NF1: variants seen among roughly 807,000 people sequenced by gnomAD.
NF1 encodes neurofibromin 1, also known as neurofibromin.
NF1 carries 122 observed loss-of-function variants against 325.7 expected under a neutral mutation model. The ratio of observed to expected loss-of-function variants is 0.37; its 90% CI spans 0.32 to 0.44. The LOEUF (loss-of-function observed/expected upper bound fraction) is 0.44, where lower values mean the gene tolerates loss of function less well. Ranked by LOEUF, NF1 falls within the 20% of genes least tolerant of loss-of-function variation. The pLI is 1.00. For missense variants in NF1, 2,140 were observed against 3,415.4 expected (o/e 0.63, Z 9.31); for synonymous variants, 1,091 against 1,186.0 (o/e 0.92, Z 1.65).
At chr17:31,137,436 T>A (rs1202618323) in intron 1 of NF1, 1 of 152,208 alleles carries the variant, frequency 6.6e-6, no homozygotes, top group Admixed American at 6.5e-5. Flanking sequence ...TTGCTTCAGT[T>A]TTTATGTAGC....
rs148430886 is a variant in NF1, at chr17:31,338,290, A to C, written c.6819+151A>C. On this transcript the variant is annotated intron_variant, in intron 45 of 57. Coordinates refer to ENST00000358273, the MANE Select transcript of NF1 (RefSeq NM_001042492.3). The stretch of plus-strand genomic sequence containing the variant: ...CCTTTAAAATGTATTTTGATTATTT[A>C]TTGTAATTCTTTGAAGAAGTCTTCT... The C allele has an allele frequency of 1.5e-3, 1,037 of 675,648 alleles. 12 individuals are homozygous for C. In the African/African-American group the frequency reaches 0.017, roughly 11 times the overall value. The allele number at this position is 675,648 out of a possible 1,614,324, so 41.9% of individuals were successfully genotyped here. A position where few individuals can be genotyped will look rare whatever the true frequency, so the allele number is the denominator to read the frequency against.
At chr17:31,238,997 A>G (rs2067249508) in intron 29 of NF1, among the ~76,000 whole-genome samples, 1 of 152,224 alleles carries the variant, frequency 6.6e-6, no homozygotes, top group African/African-American at 2.4e-5. Flanking sequence ...CTCAGTTCCT[A>G]TGACCCAATA....
intron 36 of NF1, among the ~76,000 whole-genome samples, chr17:31,300,309 G>A (rs1399545948): frequency 2.0e-5 from 3 of 151,098 alleles, no homozygotes; most frequent in Admixed American, 6.6e-5. Context: ...TTAGTTTTTC[G>A]TTGTATCATT....
intron 36 of NF1, among the ~76,000 whole-genome samples, chr17:31,293,266 T>C (rs1262723079): frequency 7.0e-6 from 1 of 143,212 alleles, no homozygotes; most frequent in Non-Finnish European, 1.5e-5. Flanking sequence ...AAGACACAAG[T>C]ATGTGGTAGA....
chr17:31,258,407 T>G lies in NF1; in HGVS notation c.4237T>G (p.Phe1413Val), dbSNP rs1190777334. The G allele has an allele frequency of 6.2e-7, 1 of 1,613,906 alleles. No homozygotes were observed. The highest frequency in any genetic ancestry group is 8.5e-7 in the Non-Finnish European group (1 of 1,179,942). The part of the protein sequence containing the change: ...GAVGSAMFLR[F>V]INPAIVSPYE... ...AGTAGGAAGTGCCATGTTCCTCAGATTTATCAATCCTGCCATTGTCTCACC... is the reference window on the plus strand; with the variant it reads ...AGTAGGAAGTGCCATGTTCCTCAGAGTTATCAATCCTGCCATTGTCTCACC... Residue 1413 changes from phenylalanine (F) to valine (V), a missense_variant, in exon 32 of 58, where the codon TTT becomes GTT. Physicochemically the swap from Phe to Val is conservative, Grantham distance 50. This residue lies in a region of NF1 where 336 missense variants were observed against 399.0 expected (regional missense o/e 0.84). Transcript: ENST00000358273.
rs587781900 is a variant in NF1, at chr17:31,236,000, G to C, written c.3953G>C (p.Ser1318Thr). 6.2e-7 allele frequency: 1 copy of C among 1,613,328 alleles called. No homozygotes were observed. The highest frequency in any genetic ancestry group is 8.5e-7 in the Non-Finnish European group (1 of 1,179,808). The change falls in exon 29 of 58, where the codon AGC becomes ACC. Residue 1318 changes from serine (S) to threonine (T), a missense_variant. By Grantham distance (58) the Ser-to-Thr change is moderately conservative. Coordinates refer to ENST00000358273, the MANE Select transcript of NF1 (RefSeq NM_001042492.3). The part of the protein sequence containing the change: ...VITSSDWQHV[S>T]FEVDPTRLEP... ...ACATCCTCTGATTGGCAACATGTTA[G>C]CTTTGAAGTGGATCCTACCAGGTTT...
In NF1 at chr17:31,230,371, G is replaced by A. The variant is rs1555614536; in HGVS notation, c.3102G>A (p.Glu1034=). The change falls in exon 23 of 58, where the codon GAG becomes GAA. Residue 1034 remains glutamate, a synonymous_variant. Coordinates refer to ENST00000358273, the MANE Select transcript of NF1 (RefSeq NM_001042492.3). ...ARRDDLSFCQ[E]MKFRNKMVEY... is the part of the protein sequence containing the mutation. ...GAGATGACCTCTCATTTTGCCAAGA[G>A]ATGAAATTTAGGTGAGTTCTCAAAA... The A allele has an allele frequency of 1.2e-6, 2 of 1,613,486 alleles. No individual in the cohort carries two copies. Among genetic ancestry groups the A allele is most frequent in the Non-Finnish European group, 1.7e-6 (2 of 1,179,568 alleles).
intron 8 of NF1, among the ~76,000 whole-genome samples, chr17:31,195,097 T>C (rs1487674293): frequency 6.6e-6 from 1 of 152,138 alleles, no homozygotes; most frequent in African/African-American, 2.4e-5. Flanking sequence ...GGTTAGGATT[T>C]CCTTTGACTT....
chr17:31,137,981 A>G (rs959048691), intron 1 of NF1: 5 of 151,644 alleles, frequency 3.3e-5, no homozygotes, highest in South Asian at 2.1e-4. Flanking sequence ...GAATCCTTGG[A>G]ATTTTTTTTT....
At chr17:31,182,933 C>T in intron 8 of NF1, 3 of 593,540 alleles carry the variant, frequency 5.1e-6, no homozygotes, top group East Asian at 2.8e-5. Flanking sequence ...CTAAACGATA[C>T]CTCTGTTATT....
At chr17:31,293,207 A>AAAAAAAAAAAAAAAAC in intron 36 of NF1, among the ~76,000 whole-genome samples, 1 of 131,906 alleles carries the variant, frequency 7.6e-6, no homozygotes, top group Non-Finnish European at 1.6e-5. Flanking sequence ...AAAAAAAAAA[A>AAAAAAAAAAAAAAAAC]AAAAGAAACC....
At position 31,338,118 on chromosome 17, in the gene NF1, G is replaced by C. The variant is rs2151558337; in HGVS notation, c.6798G>C (p.Gln2266His). ...SKRVSHGQIK[Q>H]IIRILSKALE... ...GAGTGTCTCATGGGCAGATAAAGCA[G>C]ATAATCCGTATTCTTAGCAAGGTAC... is the stretch of plus-strand genomic sequence containing the variant. Residue 2266 changes from glutamine (Q) to histidine (H), a missense_variant, in exon 45 of 58, where the codon CAG becomes CAC. Gln to His is a conservative substitution (Grantham distance 24). Transcript: ENST00000358273. 1.9e-6 allele frequency: 3 copies of C among 1,613,340 alleles called. No individual in the cohort carries two copies. The highest frequency in any genetic ancestry group is 2.5e-6 in the Non-Finnish European group (3 of 1,179,366).
At chr17:31,369,666 G>C (rs1391234270) in intron 57 of NF1, among the ~76,000 whole-genome samples, 2 of 152,214 alleles carry the variant, frequency 1.3e-5, no homozygotes, top group Non-Finnish European at 2.9e-5. Flanking sequence ...AAACTTTAAA[G>C]GGGTTTTGAT....
At chr17:31,224,131 C>T (rs1326310426) in intron 16 of NF1, among the ~76,000 whole-genome samples, 1 of 152,054 alleles carries the variant, frequency 6.6e-6, no homozygotes, top group Non-Finnish European at 1.5e-5. Context: ...AGATTTATTT[C>T]GATTCCTCCA....
chr17:31,136,147 G>A (rs1915754845), intron 1 of NF1: 1 of 152,072 alleles, frequency 6.6e-6, no homozygotes, highest in Non-Finnish European at 1.5e-5. Context: ...GGCTAACGCG[G>A]TGAAACCCCC....
At chr17:31,354,472 G>A (rs750400675) in intron 51 of NF1, among the ~76,000 whole-genome samples, 8 of 152,304 alleles carry the variant, frequency 5.3e-5, no homozygotes, top group Non-Finnish European at 8.8e-5. Flanking sequence ...GATTGGAAAC[G>A]ACTGTATGCC....
Position 31,327,636 on chromosome 17 carries a change from C to T in NF1, c.5406C>T (p.Thr1802=), listed in dbSNP as rs895918165. The change falls in exon 38 of 58, where the codon ACC becomes ACT. Residue 1802 remains threonine (T), a synonymous_variant. Coordinates refer to ENST00000358273, the MANE Select transcript of NF1 (RefSeq NM_001042492.3). ...TAGATGAGAACCAGTTCACCTTAAC[C>T]ATTGCAAACCAGGGCACGCCGCTCA... The part of the protein sequence containing the change: ...CLVDENQFTL[T]IANQGTPLTF... 1 of 1,614,110 alleles carries T rather than the reference C, an allele frequency of 6.2e-7. No individual in the cohort carries two copies. The highest frequency in any genetic ancestry group is 8.5e-7 in the Non-Finnish European group (1 of 1,180,036).
Position 31,215,149 on chromosome 17 carries a change from G to A in NF1, c.1527+564G>A, listed in dbSNP as rs184816173. 2.0e-5 allele frequency among the ~76,000 whole-genome samples: 3 copies of A among 152,214 alleles called. No homozygotes were observed. In the East Asian group the frequency reaches 5.8e-4, roughly 29 times the overall value. On this transcript the variant is annotated intron_variant, in intron 13 of 57. Coordinates refer to ENST00000358273, the MANE Select transcript of NF1 (RefSeq NM_001042492.3). ...TATTATTATTTTGAGACAGGGTCTT[G>A]CTCTGCTTCCCAAGCTAGAGAGCAG...
chr17:31,147,223 G>A (rs552081028), intron 1 of NF1, among the ~76,000 whole-genome samples: 4 of 152,254 alleles, frequency 2.6e-5, no homozygotes, highest in Admixed American at 2.0e-4. Flanking sequence ...AGTCCTCCTC[G>A]TGTTTCCTTT....
Sources: gnomAD v4.1 joint callset for allele counts (sites outside exome capture counted in the v4.1 genomes callset) on GRCh38, gnomAD v4.1.1 for gene constraint, gnomAD v4.1.1 regional missense constraint, MANE v1.5 for transcripts, NCBI Gene and HGNC (gene_info 2026-07-23, HGNC 2026-07-21) for gene names.